TM9SF4: variants seen among roughly 807,000 people sequenced by gnomAD.
The protein encoded by TM9SF4 is transmembrane 9 superfamily member 4.
A neutral mutation model predicts 90.4 loss-of-function variants in TM9SF4; 26 were observed. The observed-to-expected ratio is 0.29, with a 90% confidence interval of 0.21 to 0.40. TM9SF4 has a LOEUF of 0.40. TM9SF4 is among the 10% of genes least tolerant of loss of function. The pLI is 1.00. For synonymous variants in TM9SF4, 293 were observed against 315.4 expected (o/e 0.93, Z 0.75); for missense variants, 549 against 834.8 (o/e 0.66, Z 4.22).
chr20:32,136,150 T>G lies in TM9SF4; in HGVS notation c.206T>G (p.Ile69Arg). Residue 69 changes from isoleucine to arginine, a missense_variant, in exon 3 of 18, where the codon ATA becomes AGA. Coordinates refer to ENST00000398022, the MANE Select transcript of TM9SF4 (RefSeq NM_014742.4). ...CTGCCCTTCTGCCAGCCCAGCAAGATAACCTACAAGGCAGAGAATCTGGGT... is the reference window on the plus strand; with the variant it reads ...CTGCCCTTCTGCCAGCCCAGCAAGAGAACCTACAAGGCAGAGAATCTGGGT... ...YSLPFCQPSK[I>R]TYKAENLGEV... The G allele has an allele frequency of 6.2e-7, 1 of 1,614,192 alleles. No homozygotes were observed. The highest frequency in any genetic ancestry group is 8.5e-7 in the Non-Finnish European group (1 of 1,180,014).
intron 12 of TM9SF4, among the ~76,000 whole-genome samples, chr20:32,151,865 T>C (rs571347891): frequency 2.1e-4 from 32 of 151,600 alleles, no homozygotes; most frequent in African/African-American, 7.3e-4. Context: ...TTTTTTGTTT[T>C]TTTGTTTTTT....
rs370083795 is a variant in TM9SF4 at position 32,114,336 on chromosome 20, G to T, written c.15+4581G>T. Reference sequence around the variant, plus strand: ...GCACAGAAACTGGTTTTGTTTGTTTGTTATTATTATTTGAGACAGGGTCTC... The same window carrying T: ...GCACAGAAACTGGTTTTGTTTGTTTTTTATTATTATTTGAGACAGGGTCTC... On this transcript the variant is annotated intron_variant, in intron 1 of 17. Coordinates refer to ENST00000398022, the MANE Select transcript of TM9SF4 (RefSeq NM_014742.4). Among the ~76,000 whole-genome samples the T allele has an allele frequency of 1.5e-4, 23 of 152,116 alleles. No homozygotes were observed. The East Asian group carries it at 4.5e-3, about 29-fold the overall frequency.
rs1220828753 is a variant in TM9SF4, at chr20:32,158,442, C to T, written c.1506-9C>T. 6.2e-6 allele frequency: 10 copies of T among 1,614,064 alleles called. No homozygotes were observed. The highest frequency in any genetic ancestry group is 8.5e-6 in the Non-Finnish European group (10 of 1,180,016). ...TCTCTAACAATGTCAACCTCTCGTT[C>T]TGTGGCAGCATCCTCATGGCTGGGA... On this transcript the variant is annotated splice_polypyrimidine_tract_variant and intron_variant, in intron 14 of 17. Coordinates refer to ENST00000398022, the MANE Select transcript of TM9SF4 (RefSeq NM_014742.4).
rs751004399 is a variant in TM9SF4 at position 32,159,695 on chromosome 20, T to C, written c.1570-297T>C. Reference sequence around the variant, plus strand: ...TAAGGCCTAGCGCTTGGTAAGCTGCTCAAGTGGTGGTGGCTGCTCTATAAT... The same window carrying C: ...TAAGGCCTAGCGCTTGGTAAGCTGCCCAAGTGGTGGTGGCTGCTCTATAAT... On this transcript the variant is annotated intron_variant, in intron 15 of 17. Coordinates refer to ENST00000398022, the MANE Select transcript of TM9SF4 (RefSeq NM_014742.4). 205 of 424,358 alleles carry C rather than the reference T, an allele frequency of 4.8e-4. 1 individual carries two copies. Among genetic ancestry groups the C allele is most frequent in the Non-Finnish European group, 7.8e-4 (179 of 230,254 alleles). 26.3% of individuals were successfully genotyped at this position (424,358 alleles called of 1,614,324 possible). A position where few individuals can be genotyped will look rare whatever the true frequency, so the allele number is the denominator to read the frequency against.
At chr20:32,132,334 G>A (rs1393644885) in intron 1 of TM9SF4, among the ~76,000 whole-genome samples, 1 of 152,064 alleles carries the variant, frequency 6.6e-6, no homozygotes, top group African/African-American at 2.4e-5. Flanking sequence ...AACTTGGGAG[G>A]CAGAGGTTGC....
chr20:32,158,476 T>G lies in TM9SF4; in HGVS notation c.1531T>G (p.Phe511Val). Residue 511 changes from phenylalanine to valine, a missense_variant, in exon 15 of 18, where the codon TTC becomes GTC. Around this residue, in one of 2 missense-constraint regions of TM9SF4, gnomAD observed 495 missense variants for 711.7 expected, o/e 0.70. Transcript: ENST00000398022. ...VGILMAGILPFGAMFIELFFI... is the reference protein window; with the variant it reads ...VGILMAGILPVGAMFIELFFI... ...CATCCTCATGGCTGGGATCTTGCCC[T>G]TCGGCGCCATGTTCATCGAGCTCTT... 6.2e-7 allele frequency: 1 copy of G among 1,614,230 alleles called. No individual in the cohort carries two copies. Among genetic ancestry groups the G allele is most frequent in the Non-Finnish European group, 8.5e-7 (1 of 1,180,040 alleles).
intron 1 of TM9SF4, among the ~76,000 whole-genome samples, chr20:32,126,068 A>AACACAC (rs71185382): frequency 0.046 from 6,387 of 138,596 alleles, 213 homozygotes; most frequent in East Asian, 0.1. Flanking sequence ...CTTTCCCGTA[A>AACACAC]ACACACACAC....
intron 12 of TM9SF4, among the ~76,000 whole-genome samples, chr20:32,152,796 C>A (rs868420430): frequency 1.3e-5 from 2 of 152,368 alleles, no homozygotes; most frequent in Admixed American, 6.5e-5. Flanking sequence ...CCGCCTCCCC[C>A]ACCTCCTACC....
intron 13 of TM9SF4, among the ~76,000 whole-genome samples, chr20:32,157,205 A>C (rs2046938404): frequency 6.6e-6 from 1 of 151,158 alleles, no homozygotes; most frequent in South Asian, 2.1e-4. Context: ...TGCCCACCTC[A>C]GCCTCCCAAA....
intron 8 of TM9SF4, 152 bp from the exon 9 acceptor site, chr20:32,146,633 A>G: frequency 1.7e-6 from 1 of 595,186 alleles, no homozygotes; most frequent in Non-Finnish European, 2.9e-6. Context: ...TCCCCCGAGA[A>G]GAGGCCTTGA....
intron 1 of TM9SF4, among the ~76,000 whole-genome samples, chr20:32,122,489 CG>C (rs1267770399): frequency 1.4e-5 from 2 of 145,978 alleles, no homozygotes; most frequent in Non-Finnish European, 3.0e-5. Context: ...ACTTCTCAGA[CG>C]GGGCGGCCGG....
chr20:32,158,836 G>T (rs1056351053), intron 15 of TM9SF4, among the ~76,000 whole-genome samples: 6 of 152,134 alleles, frequency 3.9e-5, no homozygotes, highest in Non-Finnish European at 8.8e-5. Flanking sequence ...ACAAAAATTA[G>T]CCGGGCATGG....
At chr20:32,137,125 C>A in intron 3 of TM9SF4, 1 of 445,136 alleles carries the variant, frequency 2.2e-6, no homozygotes. Context: ...AGAGATTGGC[C>A]TCAGAGCCTG....
intron 9 of TM9SF4, 75 bp downstream of exon 9, chr20:32,146,930 G>T: frequency 1.5e-6 from 2 of 1,348,892 alleles, no homozygotes; most frequent in South Asian, 1.3e-5. Context: ...ATATGTTTGT[G>T]TATATTATCA....
intron 13 of TM9SF4, among the ~76,000 whole-genome samples, chr20:32,156,727 C>A (rs1184219053): frequency 2.0e-5 from 3 of 151,932 alleles, no homozygotes; most frequent in African/African-American, 7.3e-5. Flanking sequence ...CCACCTCAGC[C>A]CCACTGAGTA....
chr20:32,111,069 A>G (rs2046135317), intron 1 of TM9SF4, among the ~76,000 whole-genome samples: 1 of 152,214 alleles, frequency 6.6e-6, no homozygotes, highest in African/African-American at 2.4e-5. Flanking sequence ...ATTGACTGGT[A>G]GCAATTTTCC....
At chr20:32,144,963 C>T in intron 6 of TM9SF4, 128 bp from the exon 7 acceptor site, 1 of 755,434 alleles carries the variant, frequency 1.3e-6, no homozygotes. Context: ...CCATTGTGCT[C>T]CCAGTCTCCA....
chr20:32,148,719 G>C (rs1220090305), intron 9 of TM9SF4, among the ~76,000 whole-genome samples: 2 of 143,890 alleles, frequency 1.4e-5, no homozygotes, highest in East Asian at 4.0e-4. Flanking sequence ...TGCCCAGGCT[G>C]GAGTGCAGTG....
intron 3 of TM9SF4, among the ~76,000 whole-genome samples, chr20:32,138,370 T>C (rs996879998): frequency 6.6e-6 from 1 of 152,200 alleles, no homozygotes; most frequent in African/African-American, 2.4e-5. Flanking sequence ...CGCTCATGCC[T>C]GTAATCCCAG....
Sources: allele counts gnomAD v4.1 joint callset (sites outside exome capture counted in the v4.1 genomes callset), GRCh38; gene constraint gnomAD v4.1.1; regional missense constraint gnomAD v4.1.1; transcripts MANE v1.5; gene names NCBI Gene and HGNC (gene_info 2026-07-23, HGNC 2026-07-21).